Variants in THRB observed in about 807,000 individuals in gnomAD.
The protein encoded by THRB is nuclear receptor subfamily 1 group A member 2.
THRB carries 12 observed loss-of-function variants against 47.8 expected under a neutral mutation model. The observed-to-expected ratio is 0.25, with a 90% CI of 0.16 to 0.41. THRB has a LOEUF of 0.41. Ranked by LOEUF, THRB falls within the 10% of genes least tolerant of loss-of-function variation. The pLI is 1.00. For missense variants in THRB, 348 were observed against 589.2 expected (o/e 0.59, Z 4.24); for synonymous variants, 218 against 212.2 (o/e 1.03, Z -0.24).
At chr3:24,408,941 T>C (rs1373003270) in intron 1 of THRB, among the ~76,000 whole-genome samples, 1 of 151,790 alleles carries the variant, frequency 6.6e-6, no homozygotes, top group Non-Finnish European at 1.5e-5. Flanking sequence ...GCTGCAAAAA[T>C]GGAATCAGCA....
Position 24,229,544 on chromosome 3 carries a change from C to G in THRB, c.-42-543G>C, listed in dbSNP as rs538357566. ...TCTCATCTGCCCATTTATGACTTGTCCTAGTCAGAGCTGAACTCCCCACCT... is the reference window on the plus strand; with the variant it reads ...TCTCATCTGCCCATTTATGACTTGTGCTAGTCAGAGCTGAACTCCCCACCT... On this transcript the variant is annotated intron_variant, in intron 3 of 10. Transcript: ENST00000646209. 1.3e-4 allele frequency among the ~76,000 whole-genome samples: 20 copies of G among 152,318 alleles called. No individual in the cohort carries two copies. The South Asian group carries it at 1.7e-3, about 13-fold the overall frequency.
intron 3 of THRB, among the ~76,000 whole-genome samples, chr3:24,290,655 A>G (rs1439507651): frequency 6.6e-6 from 1 of 152,192 alleles, no homozygotes; most frequent in Admixed American, 6.5e-5. Flanking sequence ...ATATTAGGGG[A>G]AGAAATGTAT....
At chr3:24,261,881 TG>T (rs1295563854) in intron 3 of THRB, among the ~76,000 whole-genome samples, 4 of 152,246 alleles carry the variant, frequency 2.6e-5, no homozygotes, top group African/African-American at 9.6e-5. Flanking sequence ...CAGACTTTTC[TG>T]GTTCTTTTCC....
At chr3:24,354,305 A>G (rs2063536254) in intron 1 of THRB, among the ~76,000 whole-genome samples, 1 of 152,132 alleles carries the variant, frequency 6.6e-6, no homozygotes. Context: ...GAAATAATCT[A>G]TACAACAAAC....
intron 4 of THRB, among the ~76,000 whole-genome samples, chr3:24,220,570 G>C (rs1480310362): frequency 1.3e-5 from 2 of 152,120 alleles, no homozygotes; most frequent in Non-Finnish European, 2.9e-5. Flanking sequence ...CAAAGAGAGG[G>C]ATCAAATTTC....
At chr3:24,196,341 AAAAT>A (rs1177235615) in intron 4 of THRB, among the ~76,000 whole-genome samples, 3 of 152,070 alleles carry the variant, frequency 2.0e-5, no homozygotes, top group Non-Finnish European at 2.9e-5. Context: ...AGAGGCCAAA[AAAAT>A]AAAAATAAAA....
intron 1 of THRB, among the ~76,000 whole-genome samples, chr3:24,428,899 A>G (rs1441206069): frequency 2.6e-5 from 4 of 151,834 alleles, no homozygotes; most frequent in African/African-American, 9.7e-5. Context: ...AAAAAAAAAA[A>G]AAGTAAGCAC....
chr3:24,251,785 G>A (rs1304208596), intron 3 of THRB, among the ~76,000 whole-genome samples: 1 of 151,854 alleles, frequency 6.6e-6, no homozygotes, highest in Non-Finnish European at 1.5e-5. Context: ...AAAGCACAGG[G>A]AAAAAATAAA....
At chr3:24,474,333 C>T (rs1695133477) in intron 1 of THRB, among the ~76,000 whole-genome samples, 1 of 152,170 alleles carries the variant, frequency 6.6e-6, no homozygotes, top group Non-Finnish European at 1.5e-5. Context: ...AAAATTTAGT[C>T]TTCCTTTGGT....
intron 1 of THRB, among the ~76,000 whole-genome samples, chr3:24,490,738 T>C (rs1198343223): frequency 6.6e-6 from 1 of 152,070 alleles, no homozygotes; most frequent in African/African-American, 2.4e-5. Context: ...GCTGACACAC[T>C]AGATATTTGG....
intron 4 of THRB, among the ~76,000 whole-genome samples, chr3:24,194,058 T>G (rs1427685253): frequency 6.6e-6 from 1 of 152,170 alleles, no homozygotes; most frequent in Non-Finnish European, 1.5e-5. Flanking sequence ...TTCACTCATG[T>G]GTGGGAGCTG....
chr3:24,445,183 A>G (rs2071947075), intron 1 of THRB, among the ~76,000 whole-genome samples: 1 of 152,118 alleles, frequency 6.6e-6, no homozygotes, highest in South Asian at 2.1e-4. Context: ...AATGGCATTG[A>G]ATTAACTATT....
At chr3:24,198,452 GCCCCCC>G (rs539829669) in intron 4 of THRB, among the ~76,000 whole-genome samples, 2 of 47,904 alleles carry the variant, frequency 4.2e-5, no homozygotes, top group African/African-American at 1.3e-4. Context: ...GTCTCCCCCC[GCCCCCC>G]CCCCCCCCTT....
chr3:24,363,559 C>T (rs1394764), intron 1 of THRB, among the ~76,000 whole-genome samples: 91,289 of 151,916 alleles, frequency 0.6, 29,422 homozygotes, highest in African/African-American at 0.85. Flanking sequence ...AAACGTGAAG[C>T]TCAAGGGATA....
chr3:24,493,383 T>C (rs1698482207), intron 1 of THRB, among the ~76,000 whole-genome samples: 1 of 152,226 alleles, frequency 6.6e-6, no homozygotes, highest in African/African-American at 2.4e-5. Context: ...TAAAGCCAAA[T>C]AATGTGAAGA....
At chr3:24,482,138 G>A (rs964736584) in intron 1 of THRB, among the ~76,000 whole-genome samples, 4 of 152,068 alleles carry the variant, frequency 2.6e-5, no homozygotes, top group Non-Finnish European at 4.4e-5. Context: ...CTGCCTTTTG[G>A]ACAATCATGC....
Position 24,336,223 on chromosome 3 carries a change from A to G in THRB, c.-189+1077T>C, listed in dbSNP as rs577775696. Among the ~76,000 whole-genome samples, 594 of 152,344 alleles carry G rather than the reference A, an allele frequency of 3.9e-3. 1 individual carries two copies. The highest frequency in any genetic ancestry group is 0.01 in the Middle Eastern group (3 of 294). On this transcript the variant is annotated intron_variant, in intron 2 of 10. Transcript: ENST00000646209. ...AGAGGCAGCCAGACAGGGGGCCCCAAGGGAGGGCCTGGGCACTGAGTGCTG... is the reference window on the plus strand; with the variant it reads ...AGAGGCAGCCAGACAGGGGGCCCCAGGGGAGGGCCTGGGCACTGAGTGCTG...
At chr3:24,312,153 C>T (rs1181992791) in intron 2 of THRB, among the ~76,000 whole-genome samples, 1 of 152,182 alleles carries the variant, frequency 6.6e-6, no homozygotes, top group Non-Finnish European at 1.5e-5. Flanking sequence ...AGTTAAATGT[C>T]CTTCCTTTGG....
chr3:24,219,727 C>A (rs760622620), intron 4 of THRB, among the ~76,000 whole-genome samples: 9 of 152,240 alleles, frequency 5.9e-5, no homozygotes, highest in Non-Finnish European at 1.3e-4. Context: ...AAACCCTCTA[C>A]ATCAGTGATT....
Sources: gnomAD v4.1 joint callset for allele counts (sites outside exome capture counted in the v4.1 genomes callset) on GRCh38, gnomAD v4.1.1 for gene constraint, MANE v1.5 for transcripts, NCBI Gene and HGNC (gene_info 2026-07-23, HGNC 2026-07-21) for gene names.